Variants in PCDH7 observed in about 807,000 individuals in gnomAD.
The protein encoded by PCDH7 is protocadherin-7.
A neutral mutation model predicts 58.9 loss-of-function variants in PCDH7; 17 were observed. The observed-to-expected ratio is 0.29, with a 90% confidence interval of 0.20 to 0.43. The LOEUF (loss-of-function observed/expected upper bound fraction) is 0.43, where lower values mean the gene tolerates loss of function less well. Ranked by LOEUF, PCDH7 falls within the 20% of genes least tolerant of loss-of-function variation. The pLI, the probability that PCDH7 is intolerant of heterozygous loss-of-function variation, is 1.00. For synonymous variants in PCDH7, 664 were observed against 616.4 expected, an observed-to-expected ratio of 1.08 and a Z score of -1.14; for missense variants, 1,274 against 1,441.0, an observed-to-expected ratio of 0.88 and a Z score of 1.88.
At chr4:30,744,245 C>G (rs1460069831) in intron 1 of PCDH7, among the ~76,000 whole-genome samples, 3 of 152,006 alleles carry the variant, frequency 2.0e-5, no homozygotes. Context: ...ATTGAAAAAA[C>G]CATAAAGGAC....
chr4:30,964,536 C>A (rs886400431), intron 3 of PCDH7, among the ~76,000 whole-genome samples: 1 of 151,904 alleles, frequency 6.6e-6, no homozygotes, highest in Non-Finnish European at 1.5e-5. Context: ...CCACCGCACC[C>A]GGCCCAGTAG....
At chr4:31,055,836 C>T (rs1757122353) in intron 3 of PCDH7, among the ~76,000 whole-genome samples, 1 of 152,052 alleles carries the variant, frequency 6.6e-6, no homozygotes, top group Non-Finnish European at 1.5e-5. Flanking sequence ...CTCGGCCTCC[C>T]AAAGTGCTAG....
chr4:30,761,281 A>G (rs983172788), intron 1 of PCDH7, among the ~76,000 whole-genome samples: 9 of 152,210 alleles, frequency 5.9e-5, no homozygotes, highest in African/African-American at 2.2e-4. Context: ...GTCATGGGCC[A>G]GGAGCTTTCA....
chr4:31,079,586 G>GT (rs140967036), intron 3 of PCDH7, among the ~76,000 whole-genome samples: 14,226 of 145,716 alleles, frequency 0.098, 788 homozygotes, highest in East Asian at 0.24. Flanking sequence ...TTCATATACT[G>GT]TTTTTTTTTT....
rs557840445 is a variant in PCDH7 at position 30,817,414 on chromosome 4, G to T, written c.70+92818G>T. 1.5e-4 allele frequency among the ~76,000 whole-genome samples: 23 copies of T among 152,130 alleles called. No homozygotes were observed. The South Asian group carries it at 4.4e-3, about 29-fold the overall frequency. Reference sequence around the variant, plus strand: ...TTAGATTTTAGTTTAATTATTAGTTGGTCCTAAGATAAGAGGCTGTGTTAT... The same window carrying T: ...TTAGATTTTAGTTTAATTATTAGTTTGTCCTAAGATAAGAGGCTGTGTTAT... On this transcript the variant is annotated intron_variant, in intron 1 of 3. Coordinates refer to the PCDH7 transcript ENST00000509759.
At chr4:31,072,526 A>G (rs905915087) in intron 3 of PCDH7, among the ~76,000 whole-genome samples, 62 of 152,130 alleles carry the variant, frequency 4.1e-4, no homozygotes, top group Admixed American at 1.3e-4. Flanking sequence ...GGTGCCAATA[A>G]AAGCTTCTTG....
At chr4:30,917,305 T>G (rs1009597152) in intron 1 of PCDH7, among the ~76,000 whole-genome samples, 4 of 152,158 alleles carry the variant, frequency 2.6e-5, no homozygotes, top group African/African-American at 9.7e-5. Context: ...TTTTCACTTC[T>G]GTATTAATTT....
intron 3 of PCDH7, among the ~76,000 whole-genome samples, chr4:31,082,366 GT>G (rs1234726095): frequency 6.6e-6 from 1 of 152,006 alleles, no homozygotes; most frequent in Non-Finnish European, 1.5e-5. Flanking sequence ...AGATTACATT[GT>G]TTTTTTCCCC....
intron 3 of PCDH7, among the ~76,000 whole-genome samples, chr4:31,051,833 TG>T (rs960873295): frequency 5.4e-4 from 72 of 133,866 alleles, no homozygotes; most frequent in African/African-American, 2.1e-3. Context: ...TGGGTGTGTG[TG>T]GGGGGCGGGT....
At chr4:30,782,127 T>C (rs1222835365) in intron 1 of PCDH7, among the ~76,000 whole-genome samples, 1 of 152,290 alleles carries the variant, frequency 6.6e-6, no homozygotes, top group East Asian at 1.9e-4. Flanking sequence ...ATAATCATGA[T>C]AGAGTATGAT....
chr4:30,766,585 A>G (rs1393177629), intron 1 of PCDH7, among the ~76,000 whole-genome samples: 1 of 152,020 alleles, frequency 6.6e-6, no homozygotes, highest in Non-Finnish European at 1.5e-5. Flanking sequence ...ATACTGGTGT[A>G]TTTATAGGCA....
At chr4:30,831,915 T>A (rs1359458982) in intron 1 of PCDH7, among the ~76,000 whole-genome samples, 1 of 152,166 alleles carries the variant, frequency 6.6e-6, no homozygotes, top group Non-Finnish European at 1.5e-5. Flanking sequence ...CATGAATGAT[T>A]TGTATTTAAG....
intron 3 of PCDH7, among the ~76,000 whole-genome samples, chr4:31,109,080 G>A (rs1258682597): frequency 9.2e-5 from 14 of 152,138 alleles, no homozygotes; most frequent in African/African-American, 7.2e-5. Context: ...CCCATGCCAT[G>A]ACAGAAATGA....
At chr4:31,056,307 G>A (rs974309214) in intron 3 of PCDH7, among the ~76,000 whole-genome samples, 5 of 151,432 alleles carry the variant, frequency 3.3e-5, no homozygotes, top group Admixed American at 2.6e-4. Context: ...GGTCGAAGCT[G>A]TAGTAAGCCG....
chr4:31,059,138 AT>A (rs1488094489), intron 3 of PCDH7, among the ~76,000 whole-genome samples: 1 of 151,908 alleles, frequency 6.6e-6, no homozygotes, highest in Non-Finnish European at 1.5e-5. Flanking sequence ...TCTTAAGATC[AT>A]TTTTGTATTT....
chr4:30,778,271 C>T (rs183252023), intron 1 of PCDH7, among the ~76,000 whole-genome samples: 322 of 152,214 alleles, frequency 2.1e-3, no homozygotes, highest in Middle Eastern at 6.8e-3. Context: ...TAATACATCA[C>T]GCTGCACTTA....
intron 3 of PCDH7, among the ~76,000 whole-genome samples, chr4:31,043,681 T>C (rs1387268159): frequency 1.3e-5 from 2 of 152,200 alleles, no homozygotes; most frequent in Non-Finnish European, 2.9e-5. Context: ...TTGTAGATGC[T>C]GGACGTTAGA....
intron 1 of PCDH7, among the ~76,000 whole-genome samples, chr4:30,852,829 G>GAAAA (rs58210433): frequency 4.6e-3 from 344 of 74,068 alleles, no homozygotes; most frequent in African/African-American, 6.3e-3. Flanking sequence ...TCAAGCACAG[G>GAAAA]AAAAAAAAAA....
intron 3 of PCDH7, among the ~76,000 whole-genome samples, chr4:31,027,264 T>C (rs938272285): frequency 6.6e-6 from 1 of 152,174 alleles, no homozygotes; most frequent in African/African-American, 2.4e-5. Context: ...CATTATGTTC[T>C]TTGTGAGAAA....
Sources: gnomAD v4.1 joint callset for allele counts (sites outside exome capture counted in the v4.1 genomes callset) on GRCh38, gnomAD v4.1.1 for gene constraint, MANE v1.5 for transcripts, NCBI Gene and HGNC (gene_info 2026-07-23, HGNC 2026-07-21) for gene names.